The following ACCSL variants were observed in gnomAD, a reference collection of about 807,000 sequenced individuals.
ACCSL encodes the protein 1-aminocyclopropane-1-carboxylate synthase homolog (inactive) like, also known as probable inactive 1-aminocyclopropane-1-carboxylate synthase-like protein 2.
ACCSL carries 55 observed loss-of-function variants against 61.7 expected under a neutral mutation model. That is an observed-to-expected ratio of 0.89 (90% CI 0.72 to 1.12). The LOEUF is 1.12. Among genes scored for constraint, ACCSL ranks in the 50% most tolerant of loss-of-function variants. The probability of loss-of-function intolerance (pLI) is 0.00; values close to 1 mark genes in which losing one functional copy is unlikely to be tolerated. For synonymous variants in ACCSL, 258 were observed against 264.3 expected (o/e 0.98, Z 0.23); for missense variants, 632 against 698.0 (o/e 0.91, Z 1.07).
At chr11:44,019,846 A>G in the ACCSL span, among the ~76,000 whole-genome samples, 30 of 152,294 alleles carry the variant, frequency 2.0e-4, no homozygotes, top group Admixed American at 9.1e-4. Flanking sequence ...ACGAAAATCT[A>G]CTTCTATGTT....
At chr11:44,042,258 A>C in the ACCSL span, among the ~76,000 whole-genome samples, 1 of 152,216 alleles carries the variant, frequency 6.6e-6, no homozygotes, top group Admixed American at 6.5e-5. Context: ...ATATGGTAGA[A>C]TTCACCTGTG....
Position 44,052,988 on chromosome 11 carries a change from C to A in ACCSL, c.871-3C>A. ...CACTTCTCACATAGTGTTTCTCTTC[C>A]AGGTCACTGTTACAAACACCCATCC... On this transcript the variant is annotated splice_polypyrimidine_tract_variant and splice_region_variant and intron_variant, in intron 6 of 13. Transcript: ENST00000378832. 1 of 1,613,330 alleles carries A rather than the reference C, an allele frequency of 6.2e-7. No individual in the cohort carries two copies. The highest frequency in any genetic ancestry group is 1.1e-5 in the South Asian group (1 of 91,058).
the ACCSL span, among the ~76,000 whole-genome samples, chr11:43,986,238 C>G: frequency 1.3e-5 from 2 of 152,208 alleles, no homozygotes; most frequent in East Asian, 3.9e-4. Context: ...GTGACATCAT[C>G]TCTCATCATG....
chr11:44,028,129 G>A, the ACCSL span, among the ~76,000 whole-genome samples: 7 of 151,918 alleles, frequency 4.6e-5, no homozygotes, highest in South Asian at 2.1e-4. Flanking sequence ...TCATGCCACC[G>A]TACTCCTGCT....
chr11:43,958,907 G>A, the ACCSL span, among the ~76,000 whole-genome samples: 1 of 152,132 alleles, frequency 6.6e-6, no homozygotes, highest in African/African-American at 2.4e-5. Flanking sequence ...TCAAGTATCT[G>A]GTGAGGTCTG....
chr11:43,952,300 C>T, the ACCSL span, among the ~76,000 whole-genome samples: 742 of 152,088 alleles, frequency 4.9e-3, 6 homozygotes, highest in Non-Finnish European at 8.1e-3. Flanking sequence ...GTTTAGTGCT[C>T]GCTTATAAGT....
chr11:44,048,087 C>T lies in ACCSL; in HGVS notation c.51C>T (p.Gly17=). The T allele has an allele frequency of 6.2e-7, 1 of 1,614,144 alleles. No individual in the cohort carries two copies. The highest frequency in any genetic ancestry group is 8.5e-7 in the Non-Finnish European group (1 of 1,179,994). The change falls in exon 1 of 14, where the codon GGC becomes GGT. Residue 17 remains glycine (G), a synonymous_variant. Coordinates refer to ENST00000378832, the MANE Select transcript of ACCSL (RefSeq NM_001031854.2). ...CTGTGCCCTCTGGTCAGAGGAGAGG[C>T]CGGGTCCCCAGAGACCACAGCATCT... is the stretch of plus-strand genomic sequence containing the variant. ...TLPVPSGQRR[G]RVPRDHSIYT...
At chr11:43,993,904 T>C in the ACCSL span, among the ~76,000 whole-genome samples, 1 of 152,222 alleles carries the variant, frequency 6.6e-6, no homozygotes, top group African/African-American at 2.4e-5. Context: ...TTCTGGGACA[T>C]GCAAGAAAAA....
the ACCSL span, among the ~76,000 whole-genome samples, chr11:43,989,360 G>C: frequency 1.8e-4 from 28 of 152,360 alleles, no homozygotes; most frequent in African/African-American, 6.0e-4. Context: ...AGCCCTCCAC[G>C]GATCTCCCCT....
the ACCSL span, among the ~76,000 whole-genome samples, chr11:43,936,259 T>TC: frequency 8.8e-4 from 134 of 152,282 alleles, no homozygotes; most frequent in African/African-American, 3.1e-3. Flanking sequence ...TCTTTTAAAT[T>TC]GTGAGTCAGG....
At chr11:43,941,743 TC>T in the ACCSL span, among the ~76,000 whole-genome samples, 1 of 152,232 alleles carries the variant, frequency 6.6e-6, no homozygotes. Context: ...TGCCTGGTTT[TC>T]CCATATGTAA....
At chr11:43,950,488 A>G in the ACCSL span, among the ~76,000 whole-genome samples, 1 of 152,240 alleles carries the variant, frequency 6.6e-6, no homozygotes. Flanking sequence ...TTCAGCTCCC[A>G]GTCCCGTGGT....
the ACCSL span, chr11:43,943,227 A>T: frequency 6.5e-7 from 1 of 1,528,392 alleles, no homozygotes. The surrounding 1 kb of genome is among the most constrained non-coding windows in gnomAD (Gnocchi z 4.8). Flanking sequence ...AGCAGCTGCA[A>T]ACTGAGGAAC....
the ACCSL span, among the ~76,000 whole-genome samples, chr11:43,927,807 G>C: frequency 2.6e-5 from 4 of 152,304 alleles, no homozygotes; most frequent in East Asian, 7.7e-4. Flanking sequence ...TGTGTGCTGG[G>C]CCCTATGCTT....
chr11:44,037,428 C>T, the ACCSL span, among the ~76,000 whole-genome samples: 1 of 152,352 alleles, frequency 6.6e-6, no homozygotes, highest in South Asian at 2.1e-4. Flanking sequence ...GTCACGCACG[C>T]GCGGATGGCG....
At chr11:43,942,029 T>G in the ACCSL span, among the ~76,000 whole-genome samples, 2 of 56,502 alleles carry the variant, frequency 3.5e-5, no homozygotes, top group Non-Finnish European at 7.3e-5. Flanking sequence ...TGTGTTTGCA[T>G]TCGTGCGTGT....
the ACCSL span, chr11:43,943,372 C>A: frequency 7.2e-7 from 1 of 1,390,178 alleles, no homozygotes; most frequent in Non-Finnish European, 9.3e-7. The surrounding 1 kb of genome is among the most constrained non-coding windows in gnomAD (Gnocchi z 4.8). Context: ...GGGGGACCCG[C>A]AAGGACCCGG....
the ACCSL span, among the ~76,000 whole-genome samples, chr11:43,989,434 G>A: frequency 6.6e-6 from 1 of 152,332 alleles, no homozygotes; most frequent in African/African-American, 2.4e-5. Flanking sequence ...CAACAGAGCT[G>A]CACGCTCCTG....
the ACCSL span, among the ~76,000 whole-genome samples, chr11:44,004,743 A>G: frequency 2.0e-5 from 3 of 152,208 alleles, no homozygotes; most frequent in Non-Finnish European, 4.4e-5. Context: ...AATGCAGTCC[A>G]AGACCAGCAG....
Sources: gnomAD v4.1 joint callset for allele counts (sites outside exome capture counted in the v4.1 genomes callset) on GRCh38, gnomAD v4.1.1 for gene constraint, Gnocchi (gnomAD v3.1) non-coding constraint, MANE v1.5 for transcripts, NCBI Gene and HGNC (gene_info 2026-07-23, HGNC 2026-07-21) for gene names.